F13A1: variants seen among roughly 807,000 people sequenced by gnomAD.
The protein encoded by F13A1 is coagulation factor XIII A chain, also known as FSF, A subunit.
F13A1 carries 47 observed loss-of-function variants against 80.1 expected under a neutral mutation model. The ratio of observed to expected loss-of-function variants is 0.59; its 90% CI spans 0.46 to 0.75. The LOEUF is 0.75. Ranked by LOEUF, F13A1 falls within the 30% of genes least tolerant of loss-of-function variation. The pLI, the probability that F13A1 is intolerant of heterozygous loss-of-function variation, is 0.00. For synonymous variants in F13A1, 349 were observed against 344.9 expected (o/e 1.01, Z -0.13); for missense variants, 817 against 930.4 (o/e 0.88, Z 1.59).
chr6:6,182,518 G>T (rs1761006509), intron 10 of F13A1, among the ~76,000 whole-genome samples: 1 of 152,116 alleles, frequency 6.6e-6, no homozygotes, highest in Non-Finnish European at 1.5e-5. Flanking sequence ...GTGACCTACT[G>T]CCAGGAGGAA....
chr6:6,254,451 G>T (rs1322415110), intron 4 of F13A1, among the ~76,000 whole-genome samples: 1 of 152,112 alleles, frequency 6.6e-6, no homozygotes, highest in Non-Finnish European at 1.5e-5. Context: ...CCATTAAAAA[G>T]AAGATGCAGG....
intron 3 of F13A1, among the ~76,000 whole-genome samples, chr6:6,279,025 G>T (rs1233850927): frequency 6.6e-6 from 1 of 152,138 alleles, no homozygotes; most frequent in African/African-American, 2.4e-5. Context: ...AGATGATGCT[G>T]AAATGTTTAT....
intron 9 of F13A1, among the ~76,000 whole-genome samples, chr6:6,196,576 T>G (rs1229962589): frequency 6.6e-6 from 1 of 152,252 alleles, no homozygotes; most frequent in East Asian, 1.9e-4. Context: ...TGCATGTTCC[T>G]GTGTGTGCCC....
intron 3 of F13A1, 56 bp downstream of exon 3, chr6:6,305,295 C>T (rs1286934141): frequency 1.3e-6 from 2 of 1,593,730 alleles, no homozygotes; most frequent in Admixed American, 1.7e-5. Flanking sequence ...CTGTACCCAC[C>T]TCTCTCTACA....
At chr6:6,302,655 T>C (rs1262166385) in intron 3 of F13A1, among the ~76,000 whole-genome samples, 1 of 152,106 alleles carries the variant, frequency 6.6e-6, no homozygotes, top group Non-Finnish European at 1.5e-5. Context: ...CATTACTGCA[T>C]GCTACTGTAG....
intron 12 of F13A1, among the ~76,000 whole-genome samples, chr6:6,170,604 C>G (rs1415284989): frequency 6.6e-6 from 1 of 152,176 alleles, no homozygotes; most frequent in Non-Finnish European, 1.5e-5. Context: ...TGCCTCATCT[C>G]TTTTCCAAAA....
At chr6:6,299,396 T>TGAA (rs1758385137) in intron 3 of F13A1, among the ~76,000 whole-genome samples, 1 of 132,356 alleles carries the variant, frequency 7.6e-6, no homozygotes, top group African/African-American at 3.6e-5. Context: ...CAATCAGACG[T>TGAA]AGATTTGGTC....
chr6:6,205,643 A>G (rs1370460315), intron 8 of F13A1, among the ~76,000 whole-genome samples: 1 of 152,206 alleles, frequency 6.6e-6, no homozygotes, highest in Non-Finnish European at 1.5e-5. Context: ...TTAGAAAATT[A>G]GGGGCTGATT....
At chr6:6,186,460 C>T (rs1761081819) in intron 10 of F13A1, among the ~76,000 whole-genome samples, 1 of 152,192 alleles carries the variant, frequency 6.6e-6, no homozygotes, top group South Asian at 2.1e-4. Context: ...GTTTTCCCAG[C>T]ACCATTTATT....
At chr6:6,190,794 T>C (rs62408004) in intron 10 of F13A1, among the ~76,000 whole-genome samples, 17,239 of 151,712 alleles carry the variant, frequency 0.11, 772 homozygotes, top group Middle Eastern at 0.17. Flanking sequence ...TAAGCAAGCC[T>C]GGGCAATGGT....
intron 10 of F13A1, 83 bp from the exon 11 acceptor site, chr6:6,182,224 T>G (rs1761001474): frequency 1.4e-6 from 2 of 1,470,012 alleles, no homozygotes; most frequent in Non-Finnish European, 9.4e-7. Context: ...AGCAGTCGTC[T>G]AGAGATCTCT....
At chr6:6,300,123 T>C (rs540636767) in intron 3 of F13A1, among the ~76,000 whole-genome samples, 56 of 143,240 alleles carry the variant, frequency 3.9e-4, no homozygotes, top group East Asian at 9.8e-4. Flanking sequence ...TCTCCAGCTG[T>C]GTGCTGGGAG....
At chr6:6,160,917 C>T (rs1355190500) in intron 13 of F13A1, among the ~76,000 whole-genome samples, 1 of 151,258 alleles carries the variant, frequency 6.6e-6, no homozygotes, top group East Asian at 1.9e-4. Context: ...TTAAAAATCA[C>T]ACACATAAAA....
intron 10 of F13A1, among the ~76,000 whole-genome samples, chr6:6,188,881 A>G (rs1327184907): frequency 5.4e-5 from 4 of 73,696 alleles, no homozygotes; most frequent in Non-Finnish European, 7.1e-5. Flanking sequence ...GGTCTCTAAG[A>G]ACTTGCTTTA....
intron 2 of F13A1, among the ~76,000 whole-genome samples, chr6:6,318,219 G>A (rs1252677810): frequency 6.6e-6 from 1 of 152,188 alleles, no homozygotes; most frequent in Non-Finnish European, 1.5e-5. Flanking sequence ...TTGAGCAGTA[G>A]GGCTGGAAGA....
Position 6,145,223 on chromosome 6 carries a change from C to T in F13A1, c.*396G>A. The T allele has an allele frequency of 3.8e-6, 1 of 261,436 alleles. No homozygotes were observed. The highest frequency in any genetic ancestry group is 7.5e-6 in the Non-Finnish European group (1 of 133,590). 16.2% of individuals were successfully genotyped at this position (261,436 alleles called of 1,614,324 possible). A position where few individuals can be genotyped will look rare whatever the true frequency, so the allele number is the denominator to read the frequency against. ...AGAGCCCAAATCATGTGCTATTATT[C>T]CCAAAAGGCTGAGTGGGGAATCTGA... On this transcript the variant is annotated 3_prime_UTR_variant, in exon 15 of 15. Coordinates refer to ENST00000264870, the MANE Select transcript of F13A1 (RefSeq NM_000129.4).
chr6:6,146,031 C>T (rs1002058113), intron 14 of F13A1, among the ~76,000 whole-genome samples: 2 of 152,122 alleles, frequency 1.3e-5, no homozygotes, highest in Admixed American at 1.3e-4. Flanking sequence ...TCCCAGTGGC[C>T]ATCAGGAGCT....
rs1761342082 is a variant in F13A1, at chr6:6,198,925, T to C, written c.1113-1599A>G. On this transcript the variant is annotated intron_variant, in intron 8 of 14. Coordinates refer to ENST00000264870, the MANE Select transcript of F13A1 (RefSeq NM_000129.4). Reference sequence around the variant, plus strand: ...TGGGAAGTGATGTTTGAGCTGAGGCTCGAAAGATAAATGGGAATTTAGGAG... The same window carrying C: ...TGGGAAGTGATGTTTGAGCTGAGGCCCGAAAGATAAATGGGAATTTAGGAG... Among the ~76,000 whole-genome samples the C allele has an allele frequency of 1.3e-5, 2 of 152,074 alleles. 1 individual carries two copies. The highest frequency in any genetic ancestry group is 4.2e-4 in the South Asian group (2 of 4,808).
At chr6:6,210,145 G>T (rs1761575859) in intron 8 of F13A1, among the ~76,000 whole-genome samples, 1 of 151,420 alleles carries the variant, frequency 6.6e-6, no homozygotes, top group African/African-American at 2.4e-5. Flanking sequence ...TGGGAAGATT[G>T]CTTGAGCCTG....
Sources: allele counts gnomAD v4.1 joint callset (sites outside exome capture counted in the v4.1 genomes callset), GRCh38; gene constraint gnomAD v4.1.1; transcripts MANE v1.5; gene names NCBI Gene and HGNC (gene_info 2026-07-23, HGNC 2026-07-21).